SLC7A7: variants seen among roughly 807,000 people sequenced by gnomAD.
The protein encoded by SLC7A7 is solute carrier family 7 member 7.
A neutral mutation model predicts 47.9 loss-of-function variants in SLC7A7; 39 were observed. The ratio of observed to expected loss-of-function variants is 0.81; its 90% CI spans 0.63 to 1.06. The LOEUF (loss-of-function observed/expected upper bound fraction) is 1.06. Ranked by LOEUF, SLC7A7 falls within the 50% of genes least tolerant of loss-of-function variation. The pLI is 0.00. For synonymous variants in SLC7A7, 234 were observed against 242.8 expected (o/e 0.96, Z 0.34); for missense variants, 588 against 632.0 (o/e 0.93, Z 0.75).
intron 2 of SLC7A7, among the ~76,000 whole-genome samples, chr14:22,789,287 G>A (rs1388477540): frequency 1.3e-5 from 2 of 152,144 alleles, no homozygotes; most frequent in Non-Finnish European, 2.9e-5. Flanking sequence ...CCTGGAACCT[G>A]TGAGCCATGT....
chr14:22,810,122 T>C (rs2039281521), intron 2 of SLC7A7, among the ~76,000 whole-genome samples: 1 of 143,824 alleles, frequency 7.0e-6, no homozygotes, highest in African/African-American at 2.6e-5. Flanking sequence ...AAGGTCAGAA[T>C]CGAGGAACAA....
chr14:22,785,912 C>T (rs896407761), intron 2 of SLC7A7, among the ~76,000 whole-genome samples: 4 of 151,428 alleles, frequency 2.6e-5, no homozygotes, highest in African/African-American at 9.7e-5. Context: ...GTCCCAGACA[C>T]TCAGGAGGCT....
At chr14:22,808,758 G>A (rs1475080866) in intron 2 of SLC7A7, among the ~76,000 whole-genome samples, 2 of 152,118 alleles carry the variant, frequency 1.3e-5, no homozygotes, top group Non-Finnish European at 2.9e-5. Flanking sequence ...AGATCTCTAT[G>A]CTCCTCTGAA....
intron 3 of SLC7A7, 101 bp from the exon 4 acceptor site, chr14:22,779,038 G>C (rs1396569827): frequency 6.8e-7 from 1 of 1,476,040 alleles, no homozygotes; most frequent in South Asian, 1.2e-5. Flanking sequence ...TATAATAGCA[G>C]GTAAGTGGCC....
Position 22,773,642 on chromosome 14 carries a change from TCTCTC to T in SLC7A7, c.1499_1503del (p.Gly500AspfsTer10). The T allele has an allele frequency of 6.2e-7, 1 of 1,614,040 alleles. No individual in the cohort carries two copies. The highest frequency in any genetic ancestry group is 8.5e-7 in the Non-Finnish European group (1 of 1,180,034). ...GATTTGGGATCCCGTTGCTTGGGCATCTCTCCTCCATCTTCCAAATCCATTTCTGC... is the reference window on the plus strand; with the variant it reads ...GATTTGGGATCCCGTTGCTTGGGCATCTCCATCTTCCAAATCCATTTCTGC... On this transcript the variant is annotated frameshift_variant, in exon 10 of 10. Transcript: ENST00000674313. LOFTEE classifies it high-confidence loss of function.
At chr14:22,797,538 A>G (rs546285257) in intron 2 of SLC7A7, among the ~76,000 whole-genome samples, 18 of 152,304 alleles carry the variant, frequency 1.2e-4, no homozygotes, top group Admixed American at 9.8e-4. Context: ...TACAAGAATC[A>G]GTTGCTATGA....
intron 2 of SLC7A7, among the ~76,000 whole-genome samples, chr14:22,784,300 A>G (rs952468881): frequency 6.6e-6 from 1 of 152,168 alleles, no homozygotes; most frequent in African/African-American, 2.4e-5. Flanking sequence ...CTTTGACCCC[A>G]GGGGGAGAAA....
intron 6 of SLC7A7, 87 bp downstream of exon 6, chr14:22,775,746 A>T (rs1426894575): frequency 3.8e-6 from 4 of 1,041,022 alleles, no homozygotes; most frequent in Non-Finnish European, 6.1e-6. Flanking sequence ...GTTGGAGAAC[A>T]CAAGTAATCA....
intron 2 of SLC7A7, among the ~76,000 whole-genome samples, chr14:22,784,811 A>G (rs2038785418): frequency 6.6e-6 from 1 of 152,086 alleles, no homozygotes. Flanking sequence ...TTGCAGGCCC[A>G]CTCTGGATCA....
At chr14:22,801,346 C>T (rs1354618223) in intron 2 of SLC7A7, among the ~76,000 whole-genome samples, 3 of 152,080 alleles carry the variant, frequency 2.0e-5, no homozygotes, top group Non-Finnish European at 4.4e-5. Flanking sequence ...CACTCCTCTT[C>T]TACTCTTGAT....
chr14:22,806,136 A>G (rs11157834), intron 2 of SLC7A7, among the ~76,000 whole-genome samples: 7 of 111,122 alleles, frequency 6.3e-5, no homozygotes, highest in African/African-American at 2.3e-4. Context: ...AAAAAAAAAA[A>G]AAAACTGTAC....
intron 2 of SLC7A7, among the ~76,000 whole-genome samples, chr14:22,806,069 ATC>A (rs1189659174): frequency 1.5e-5 from 2 of 131,416 alleles, no homozygotes; most frequent in Non-Finnish European, 3.1e-5. Context: ...TGAAGCTGGG[ATC>A]TCGGCTCACT....
intron 2 of SLC7A7, among the ~76,000 whole-genome samples, chr14:22,784,132 G>A (rs1415132610): frequency 6.6e-6 from 1 of 152,216 alleles, no homozygotes; most frequent in Non-Finnish European, 1.5e-5. Context: ...ATGGGGTTAG[G>A]ATAATATGGA....
chr14:22,785,557 G>C lies in SLC7A7; in HGVS notation c.500-5506C>G, dbSNP rs144663478. Among the ~76,000 whole-genome samples the C allele has an allele frequency of 2.7e-3, 408 of 151,500 alleles. 4 individuals carry two copies. Among genetic ancestry groups the C allele is most frequent in the African/African-American group, 9.3e-3 (384 of 41,296 alleles). Reference sequence around the variant, plus strand: ...AGCCTGACCAACATGGAGAAACTCCGTCTCTACTAAAAATACAAAAATTGG... The same window carrying C: ...AGCCTGACCAACATGGAGAAACTCCCTCTCTACTAAAAATACAAAAATTGG... On this transcript the variant is annotated intron_variant, in intron 2 of 9. Transcript: ENST00000674313.
chr14:22,777,944 A>G (rs953005011), intron 4 of SLC7A7, among the ~76,000 whole-genome samples: 3 of 152,144 alleles, frequency 2.0e-5, no homozygotes, highest in Non-Finnish European at 4.4e-5. Context: ...GCGTGGTGGC[A>G]GGCACCTGTA....
chr14:22,792,237 T>A (rs1003879160), intron 2 of SLC7A7, among the ~76,000 whole-genome samples: 8 of 152,158 alleles, frequency 5.3e-5, no homozygotes, highest in African/African-American at 1.9e-4. Flanking sequence ...AGATAGCAGA[T>A]GGCCTTCAAA....
intron 1 of SLC7A7, among the ~76,000 whole-genome samples, chr14:22,814,419 G>C (rs1186233957): frequency 6.6e-6 from 1 of 151,920 alleles, no homozygotes; most frequent in Non-Finnish European, 1.5e-5. Flanking sequence ...GGGAGGCAGA[G>C]GTTGCGGTAA....
intron 2 of SLC7A7, chr14:22,780,424 C>A: frequency 3.5e-6 from 1 of 284,752 alleles, no homozygotes; most frequent in Non-Finnish European, 6.8e-6. Context: ...TCCTACCTCC[C>A]ATTCCCCATG....
intron 2 of SLC7A7, among the ~76,000 whole-genome samples, chr14:22,800,872 G>C (rs1381318829): frequency 7.2e-5 from 11 of 151,994 alleles, no homozygotes; most frequent in Non-Finnish European, 1.6e-4. Flanking sequence ...CTGAGAGGTG[G>C]AGGTTGCAGT....
Sources: allele counts gnomAD v4.1 joint callset (sites outside exome capture counted in the v4.1 genomes callset), GRCh38; gene constraint gnomAD v4.1.1; transcripts MANE v1.5; gene names NCBI Gene and HGNC (gene_info 2026-07-23, HGNC 2026-07-21).